SPAG16: variants seen among roughly 807,000 people sequenced by gnomAD.
The protein encoded by SPAG16 is sperm associated antigen 16, also known as sperm-associated antigen 16 protein.
A neutral mutation model predicts 80.4 loss-of-function variants in SPAG16; 86 were observed. The ratio of observed to expected loss-of-function variants is 1.07; its 90% CI spans 0.90 to 1.28. The LOEUF is 1.28. SPAG16 is among the 50% of genes most tolerant of loss of function. SPAG16 has a pLI of 0.00. For synonymous variants in SPAG16, 294 were observed against 265.9 expected, an observed-to-expected ratio of 1.11 and a Z score of -1.03; for missense variants, 870 against 765.3, an observed-to-expected ratio of 1.14 and a Z score of -1.61.
chr2:214,265,951 T>C (rs1280265762), intron 15 of SPAG16, among the ~76,000 whole-genome samples: 2 of 151,972 alleles, frequency 1.3e-5, no homozygotes, highest in Non-Finnish European at 2.9e-5. Context: ...TATATTGTTC[T>C]TTATTTATTT....
intron 9 of SPAG16, among the ~76,000 whole-genome samples, chr2:213,402,786 A>G (rs1345283936): frequency 1.3e-5 from 2 of 152,172 alleles, no homozygotes; most frequent in East Asian, 1.9e-4. Context: ...ATAGTATTCC[A>G]TGGTGTATAT....
intron 15 of SPAG16, among the ~76,000 whole-genome samples, chr2:214,245,586 T>C (rs377495501): frequency 6.6e-6 from 1 of 152,166 alleles, no homozygotes; most frequent in Non-Finnish European, 1.5e-5. Flanking sequence ...GAAAACTATT[T>C]TGTATTTTAA....
At chr2:213,328,412 A>C (rs998773610) in intron 5 of SPAG16, among the ~76,000 whole-genome samples, 1 of 152,188 alleles carries the variant, frequency 6.6e-6, no homozygotes, top group African/African-American at 2.4e-5. Flanking sequence ...TATACTTCTA[A>C]TTGAAAATGG....
At chr2:214,140,176 A>G (rs998522933) in intron 14 of SPAG16, among the ~76,000 whole-genome samples, 4 of 151,768 alleles carry the variant, frequency 2.6e-5, no homozygotes, top group Non-Finnish European at 5.9e-5. Context: ...ATCTCTTTAA[A>G]TATTTTGGCA....
At position 213,607,078 on chromosome 2, in the gene SPAG16, C is replaced by G. The variant is rs112721890; in HGVS notation, c.1070+116988C>G. ...TATGTTTGGTAGATGAAAGAAGAGACTAGTTGGTAAAATGTCTTGAAAATT... is the reference window on the plus strand; with the variant it reads ...TATGTTTGGTAGATGAAAGAAGAGAGTAGTTGGTAAAATGTCTTGAAAATT... On this transcript the variant is annotated intron_variant, in intron 10 of 15. Coordinates refer to ENST00000331683, the MANE Select transcript of SPAG16 (RefSeq NM_024532.5). Among the ~76,000 whole-genome samples, 681 of 152,224 alleles carry G rather than the reference C, an allele frequency of 4.5e-3. 3 individuals carry two copies. The highest frequency in any genetic ancestry group is 0.01 in the Middle Eastern group (3 of 294).
chr2:214,281,883 T>C (rs1322548743), intron 15 of SPAG16, among the ~76,000 whole-genome samples: 1 of 152,198 alleles, frequency 6.6e-6, no homozygotes, highest in East Asian at 1.9e-4. Context: ...ATAATGATAC[T>C]GAGTTTTAAA....
chr2:213,926,000 A>G (rs536121571), intron 11 of SPAG16, among the ~76,000 whole-genome samples: 2 of 152,144 alleles, frequency 1.3e-5, no homozygotes, highest in East Asian at 1.9e-4. Flanking sequence ...CCTGTTTGGT[A>G]TACATTTTTC....
At chr2:213,605,460 G>C (rs1223306250) in intron 10 of SPAG16, among the ~76,000 whole-genome samples, 1 of 151,900 alleles carries the variant, frequency 6.6e-6, no homozygotes, top group Non-Finnish European at 1.5e-5. Flanking sequence ...ACACCAGTCT[G>C]AGCAATATAG....
At chr2:214,134,800 T>C in intron 14 of SPAG16, among the ~76,000 whole-genome samples, 1 of 152,166 alleles carries the variant, frequency 6.6e-6, no homozygotes, top group African/African-American at 2.4e-5. Context: ...ACATAAGAAC[T>C]TTTTTTACAT....
intron 15 of SPAG16, among the ~76,000 whole-genome samples, chr2:214,159,312 T>C (rs1405647474): frequency 6.6e-6 from 1 of 152,018 alleles, no homozygotes; most frequent in Non-Finnish European, 1.5e-5. Context: ...TAATAGCATA[T>C]ACTAGTCATT....
Position 213,833,275 on chromosome 2 carries a change from T to C in SPAG16, c.1071-29210T>C, listed in dbSNP as rs565312923. On this transcript the variant is annotated intron_variant, in intron 10 of 15. Transcript: ENST00000331683. ...GCAGCAGGTGTTTTCTCTCTGCTCA[T>C]TTTCAAATGAGTAGAGATCCACCAG... Among the ~76,000 whole-genome samples, 104 of 147,428 alleles carry C rather than the reference T, an allele frequency of 7.1e-4. No homozygotes were observed. In the Middle Eastern group the frequency reaches 0.01, roughly 15 times the overall value.
At chr2:213,907,219 G>T (rs1423729428) in intron 11 of SPAG16, among the ~76,000 whole-genome samples, 1 of 152,050 alleles carries the variant, frequency 6.6e-6, no homozygotes, top group South Asian at 2.1e-4. Flanking sequence ...AGTGGGCAAA[G>T]ATATAAATAG....
At chr2:213,602,938 T>A (rs1402159300) in intron 10 of SPAG16, among the ~76,000 whole-genome samples, 1 of 152,248 alleles carries the variant, frequency 6.6e-6, no homozygotes, top group Non-Finnish European at 1.5e-5. Context: ...TATATTGCAT[T>A]CAGGTGTTTA....
chr2:213,333,851 T>A (rs2064219484), intron 5 of SPAG16, among the ~76,000 whole-genome samples: 1 of 151,966 alleles, frequency 6.6e-6, no homozygotes, highest in Non-Finnish European at 1.5e-5. Flanking sequence ...AAAAATCAAA[T>A]CAAAATGAAA....
In SPAG16 at chr2:214,149,061, A is replaced by ATG. The variant is rs1205446834; in HGVS notation, c.1594-78_1594-77insGT. The stretch of plus-strand genomic sequence containing the variant: ...ATATGTAGTGTGTGTGTGTATATAT[A>ATG]TATGTGTGTGTGTGTGTATATATAT... On this transcript the variant is annotated intron_variant, in intron 14 of 15. Coordinates refer to ENST00000331683, the MANE Select transcript of SPAG16 (RefSeq NM_024532.5). 171 of 317,972 alleles carry ATG rather than the reference A, an allele frequency of 5.4e-4. 1 individual carries two copies. Among genetic ancestry groups the ATG allele is most frequent in the Admixed American group, 8.3e-4 (7 of 8,482 alleles). The allele number at this position is 317,972 out of a possible 1,614,324, so 19.7% of individuals were successfully genotyped here. A position where few individuals can be genotyped will look rare whatever the true frequency, so the allele number is the denominator to read the frequency against.
Position 213,757,379 on chromosome 2 carries a change from G to A in SPAG16, c.1071-105106G>A, listed in dbSNP as rs183116002. 1.2e-4 allele frequency among the ~76,000 whole-genome samples: 18 copies of A among 151,376 alleles called. 1 individual carries two copies. The South Asian group carries it at 1.3e-3, about 11-fold the overall frequency. On this transcript the variant is annotated intron_variant, in intron 10 of 15. Transcript: ENST00000331683. Reference sequence around the variant, plus strand: ...GCAATTCTAAAATTCATATGCAACCGCAGAGAACCAAAAAGAGCCCAAACA... The same window carrying A: ...GCAATTCTAAAATTCATATGCAACCACAGAGAACCAAAAAGAGCCCAAACA...
chr2:213,715,802 C>T (rs2066215924), intron 10 of SPAG16, among the ~76,000 whole-genome samples: 1 of 152,112 alleles, frequency 6.6e-6, no homozygotes, highest in Non-Finnish European at 1.5e-5. Flanking sequence ...GTTTATTGCT[C>T]TTATGCAAAT....
intron 10 of SPAG16, among the ~76,000 whole-genome samples, chr2:213,497,500 C>T (rs987479835): frequency 5.3e-5 from 8 of 149,672 alleles, no homozygotes; most frequent in Admixed American, 1.3e-4. Context: ...AAGGCTTTAT[C>T]GTTGGTCACA....
At chr2:213,598,894 G>A (rs914792504) in intron 10 of SPAG16, among the ~76,000 whole-genome samples, 6 of 152,082 alleles carry the variant, frequency 3.9e-5, no homozygotes, top group African/African-American at 1.4e-4. Context: ...AACAAACTCT[G>A]TGGACAACCT....
Sources: gnomAD v4.1 joint callset for allele counts (sites outside exome capture counted in the v4.1 genomes callset) on GRCh38, gnomAD v4.1.1 for gene constraint, MANE v1.5 for transcripts, NCBI Gene and HGNC (gene_info 2026-07-23, HGNC 2026-07-21) for gene names.